COL17A1: variants seen among roughly 807,000 people sequenced by gnomAD.
COL17A1 encodes the protein collagen alpha-1(XVII) chain.
A neutral mutation model predicts 218.4 loss-of-function variants in COL17A1; 181 were observed. The observed-to-expected ratio is 0.83, with a 90% confidence interval of 0.73 to 0.94. The LOEUF (loss-of-function observed/expected upper bound fraction) is 0.94. COL17A1 is among the 40% of genes least tolerant of loss of function. The probability of loss-of-function intolerance (pLI) is 0.00; values close to 1 mark genes in which losing one functional copy is unlikely to be tolerated. For missense variants in COL17A1, 1,924 were observed against 1,945.9 expected (o/e 0.99, Z 0.21); for synonymous variants, 721 against 731.0 (o/e 0.99, Z 0.22).
Position 104,055,798 on chromosome 10 carries a change from C to T in COL17A1, c.1671G>A (p.Met557Ile), listed in dbSNP as rs1243363359. The T allele has an allele frequency of 1.2e-6, 2 of 1,614,136 alleles. No homozygotes were observed. The highest frequency in any genetic ancestry group is 8.5e-7 in the Non-Finnish European group (1 of 1,180,048). The change falls in exon 18 of 56, where the codon ATG becomes ATA. Residue 557 changes from methionine to isoleucine, a missense_variant. By Grantham distance (10) the Met-to-Ile change is conservative. Transcript: ENST00000648076. Reference sequence around the variant, plus strand: ...TGCTCTCACCATTTTCCTGTTCCATCATTAGCTTCTTCCTCACGAACATCC... The same window carrying T: ...TGCTCTCACCATTTTCCTGTTCCATTATTAGCTTCTTCCTCACGAACATCC... The part of the protein sequence containing the change: ...ELWMFVRKKL[M>I]MEQENGNLRG...
rs1175285102 is a variant in COL17A1, at chr10:104,073,219, G to C, written c.406C>G (p.Gln136Glu). 6.2e-7 allele frequency: 1 copy of C among 1,613,914 alleles called. No homozygotes were observed. The highest frequency in any genetic ancestry group is 8.5e-7 in the Non-Finnish European group (1 of 1,179,912). Residue 136 changes from glutamine (Q) to glutamate (E), a missense_variant, in exon 7 of 56, where the codon CAA becomes GAA. Transcript: ENST00000648076. ...CAGTGACAGCACTCACCTCGTGTTT[G>C]ACTCCGTCCTCTGGTTGAAGAAGAT... ...FASSSTRGRSQTRESEIRVRL... is the reference protein window; with the variant it reads ...FASSSTRGRSETRESEIRVRL...
In COL17A1 at chr10:104,076,402, G is replaced by T. The variant is rs773524594; in HGVS notation, c.230C>A (p.Thr77Asn). The change falls in exon 5 of 56, where the codon ACC becomes AAC. Residue 77 changes from threonine to asparagine, a missense_variant. Thr to Asn is a moderately conservative substitution (Grantham distance 65). Coordinates refer to ENST00000648076, the MANE Select transcript of COL17A1 (RefSeq NM_000494.4). ...STGSTRGHAS[T>N]SSYRRAHSPA... Reference sequence around the variant, plus strand: ...TGAGTGAGCCCTCCTGTAACTAGAGGTGGAGGCATGGCCTCGTGTGCTTCC... The same window carrying T: ...TGAGTGAGCCCTCCTGTAACTAGAGTTGGAGGCATGGCCTCGTGTGCTTCC... 1 of 1,614,166 alleles carries T rather than the reference G, an allele frequency of 6.2e-7. No individual in the cohort carries two copies. Among genetic ancestry groups the T allele is most frequent in the Non-Finnish European group, 8.5e-7 (1 of 1,180,016 alleles).
At chr10:104,052,898 T>A (rs1244428832) in intron 23 of COL17A1, 133 bp downstream of exon 23, 1 of 1,138,722 alleles carries the variant, frequency 8.8e-7, no homozygotes, top group Non-Finnish European at 1.3e-6. Flanking sequence ...GCACAGACCC[T>A]GACTCAGGGT....
intron 2 of COL17A1, among the ~76,000 whole-genome samples, chr10:104,080,264 A>T (rs1000970809): frequency 1.3e-5 from 2 of 152,248 alleles, no homozygotes; most frequent in Non-Finnish European, 2.9e-5. Context: ...CAACTATGAT[A>T]CAATAACTAG....
At chr10:104,053,695 C>T (rs1034835042) in intron 22 of COL17A1, among the ~76,000 whole-genome samples, 3 of 152,104 alleles carry the variant, frequency 2.0e-5, no homozygotes, top group Non-Finnish European at 4.4e-5. Context: ...TTTCCCATGT[C>T]GTGCATCACC....
chr10:104,034,492 A>G, intron 51 of COL17A1, 129 bp downstream of exon 51: 1 of 1,501,858 alleles, frequency 6.7e-7, no homozygotes, highest in South Asian at 1.2e-5. Context: ...GTGTGGAAGG[A>G]AACCGGGCTT....
In COL17A1 at chr10:104,035,292, C is replaced by T. The variant is rs2086265948; in HGVS notation, c.3590G>A (p.Ser1197Asn). The change falls in exon 50 of 56, where the codon AGC (serine) becomes AAC (asparagine). Residue 1197 changes from serine (S) to asparagine (N), a missense_variant. Transcript: ENST00000648076. The part of the protein sequence containing the change: ...GIPGNVWSSI[S>N]VEDLSSYLHT... ...TAAGTAAGACGAGAGGTCCTCCACG[C>T]TGATGCTGGACCACACATTGCCTGG... The T allele has an allele frequency of 2.5e-6, 4 of 1,614,046 alleles. No homozygotes were observed. Among genetic ancestry groups the T allele is most frequent in the South Asian group, 2.2e-5 (2 of 91,080 alleles).
chr10:104,036,020 GTGTC>G (rs1383201874), intron 48 of COL17A1, among the ~76,000 whole-genome samples: 14 of 137,014 alleles, frequency 1.0e-4, no homozygotes, highest in South Asian at 5.0e-4. Context: ...GTGTATGGGT[GTGTC>G]TGAGTATGGA....
At chr10:104,052,275 A>G (rs369653554) in intron 23 of COL17A1, 58 bp from the exon 24 acceptor site, 42 of 1,606,964 alleles carry the variant, frequency 2.6e-5, no homozygotes, top group African/African-American at 1.6e-4. Context: ...GCTGCCCCCT[A>G]TCCTGGCACT....
chr10:104,034,784 G>A lies in COL17A1; in HGVS notation c.3620-17C>T. On this transcript the variant is annotated splice_polypyrimidine_tract_variant and intron_variant, in intron 50 of 55. Coordinates refer to ENST00000648076, the MANE Select transcript of COL17A1 (RefSeq NM_000494.4). Reference sequence around the variant, plus strand: ...AGCCGGCAGCTGGGCAGAAGGAAGAGAAAGAAAGGTCGGGGTAGTGCTGCG... The same window carrying A: ...AGCCGGCAGCTGGGCAGAAGGAAGAAAAAGAAAGGTCGGGGTAGTGCTGCG... 2 of 1,610,670 alleles carry A rather than the reference G, an allele frequency of 1.2e-6. No individual in the cohort carries two copies. The highest frequency in any genetic ancestry group is 1.7e-6 in the Non-Finnish European group (2 of 1,179,366).
intron 2 of COL17A1, 24 bp downstream of exon 2, chr10:104,080,598 A>G (rs1426900263): frequency 6.2e-7 from 1 of 1,610,626 alleles, no homozygotes; most frequent in Non-Finnish European, 8.5e-7. Context: ...AAACACATAA[A>G]TTAAAAAATT....
At chr10:104,037,176 C>G in intron 46 of COL17A1, 63 bp from the exon 47 acceptor site, 1 of 1,471,594 alleles carries the variant, frequency 6.8e-7, no homozygotes, top group East Asian at 2.4e-5. Context: ...CCTCACTATT[C>G]CAGAATCTGA....
chr10:104,040,854 C>T (rs2086352462), intron 39 of COL17A1, among the ~76,000 whole-genome samples: 1 of 152,176 alleles, frequency 6.6e-6, no homozygotes, highest in Non-Finnish European at 1.5e-5. Flanking sequence ...AGAGCTGGCT[C>T]CCTCCCTCAG....
rs186654755 is a variant in COL17A1, at chr10:104,052,304, T to G, written c.1940-87A>C. The G allele has an allele frequency of 3.9e-5, 60 of 1,552,482 alleles. 1 individual carries two copies. In the African/African-American group the frequency reaches 6.0e-4, roughly 15 times the overall value. ...TGGCACTGTCATTTGGAGGGGATGC[T>G]TCCCACCCTGCTAGTGGTCTTGGAT... On this transcript the variant is annotated intron_variant, in intron 23 of 55. Coordinates refer to ENST00000648076, the MANE Select transcript of COL17A1 (RefSeq NM_000494.4).
intron 6 of COL17A1, among the ~76,000 whole-genome samples, chr10:104,073,704 T>C (rs1023337449): frequency 1.3e-5 from 2 of 152,192 alleles, no homozygotes; most frequent in Non-Finnish European, 2.9e-5. Context: ...CACAGTGAGA[T>C]TCCAAGAACA....
intron 25 of COL17A1, 145 bp downstream of exon 25, chr10:104,051,336 G>T: frequency 9.2e-7 from 1 of 1,087,408 alleles, no homozygotes; most frequent in Non-Finnish European, 1.4e-6. Flanking sequence ...TGCCACAGGA[G>T]ACACACATGC....
intron 33 of COL17A1, among the ~76,000 whole-genome samples, chr10:104,045,283 A>G (rs1010540285): frequency 5.3e-5 from 8 of 152,188 alleles, no homozygotes; most frequent in African/African-American, 1.9e-4. Flanking sequence ...TGCCTGTACT[A>G]AAGCCTCCTC....
Position 104,036,217 on chromosome 10 carries a change from GGT to G in COL17A1, c.3418+273_3418+274del, listed in dbSNP as rs200119181. Among the ~76,000 whole-genome samples, 216 of 27,336 alleles carry G rather than the reference GGT, an allele frequency of 7.9e-3. 1 individual carries two copies. Among genetic ancestry groups the G allele is most frequent in the Middle Eastern group, 0.054 (5 of 92 alleles). The allele number at this position is 27,336 out of a possible 152,430, so 17.9% of individuals were successfully genotyped here. On this transcript the variant is annotated intron_variant, in intron 48 of 55. Transcript: ENST00000648076. ...GTGTGTGTATGGGAGTGTGAGTATG[GGT>G]GTGTGTGTATGGGAGTGTGTGTGAG...
Position 104,058,193 on chromosome 10 carries a change from G to T in COL17A1, c.1223-3C>A. 1 of 1,614,228 alleles carries T rather than the reference G, an allele frequency of 6.2e-7. No homozygotes were observed. The highest frequency in any genetic ancestry group is 1.1e-5 in the South Asian group (1 of 91,086). ...TGTGGACACAGTCTTCAGGTCTCCTGAAAGGACAAACAGATTGACCTGAGC... is the reference window on the plus strand; with the variant it reads ...TGTGGACACAGTCTTCAGGTCTCCTTAAAGGACAAACAGATTGACCTGAGC... On this transcript the variant is annotated splice_polypyrimidine_tract_variant and splice_region_variant and intron_variant, in intron 15 of 55. Coordinates refer to ENST00000648076, the MANE Select transcript of COL17A1 (RefSeq NM_000494.4).
Sources: allele counts gnomAD v4.1 joint callset (sites outside exome capture counted in the v4.1 genomes callset), GRCh38; gene constraint gnomAD v4.1.1; transcripts MANE v1.5; gene names NCBI Gene and HGNC (gene_info 2026-07-23, HGNC 2026-07-21).